Variants in WRN observed in about 807,000 individuals in gnomAD.
WRN encodes bifunctional 3'-5' exonuclease/ATP-dependent helicase WRN.
A neutral mutation model predicts 180.7 loss-of-function variants in WRN; 149 were observed. The ratio of observed to expected loss-of-function variants is 0.82; its 90% CI spans 0.72 to 0.94. The LOEUF (loss-of-function observed/expected upper bound fraction) is 0.94, where lower values mean the gene tolerates loss of function less well. Among genes scored for constraint, WRN ranks in the 40% least tolerant of loss-of-function variants. The pLI is 0.00. For missense variants in WRN, 1,661 were observed against 1,700.1 expected, an observed-to-expected ratio of 0.98 and a Z score of 0.40; for synonymous variants, 548 against 568.9, an observed-to-expected ratio of 0.96 and a Z score of 0.52.
At chr8:31,151,341 G>A (rs1803116822) in intron 31 of WRN, among the ~76,000 whole-genome samples, 1 of 152,106 alleles carries the variant, frequency 6.6e-6, no homozygotes. Context: ...GGAAGCTTTG[G>A]GCAGGCACAG....
intron 22 of WRN, 76 bp from the exon 23 acceptor site, chr8:31,124,832 C>T (rs1470133911): frequency 2.1e-6 from 3 of 1,413,536 alleles, no homozygotes; most frequent in Admixed American, 3.5e-5. Context: ...GGTGATTTTA[C>T]CTCATTATTT....
At chr8:31,163,850 A>G (rs1176202469) in intron 33 of WRN, among the ~76,000 whole-genome samples, 1 of 140,270 alleles carries the variant, frequency 7.1e-6, no homozygotes. Flanking sequence ...GATAACCATG[A>G]GCTCTTTTTT....
chr8:31,090,750 T>C, intron 14 of WRN, 84 bp from the exon 15 acceptor site: 3 of 1,224,916 alleles, frequency 2.4e-6, no homozygotes, highest in South Asian at 2.8e-5. Flanking sequence ...TATAAGTACA[T>C]TGTAAAAAGA....
At chr8:31,091,980 T>C in intron 16 of WRN, 82 bp downstream of exon 16, 1 of 1,271,184 alleles carries the variant, frequency 7.9e-7, no homozygotes, top group Non-Finnish European at 1.1e-6. Context: ...GAATTACATG[T>C]TGCTGAGGAA....
At chr8:31,166,436 TAA>T (rs1295325670) in intron 33 of WRN, among the ~76,000 whole-genome samples, 9 of 152,266 alleles carry the variant, frequency 5.9e-5, no homozygotes, top group South Asian at 4.1e-4. Context: ...GCAAAAAATG[TAA>T]AGTTTCTTGA....
At chr8:31,050,362 G>A (rs1812035989) in intron 1 of WRN, among the ~76,000 whole-genome samples, 1 of 152,062 alleles carries the variant, frequency 6.6e-6, no homozygotes, top group Non-Finnish European at 1.5e-5. Context: ...GTGGATATTA[G>A]AGTCTGAGTT....
chr8:31,069,785 A>C (rs1381346183), intron 7 of WRN, among the ~76,000 whole-genome samples: 2 of 152,190 alleles, frequency 1.3e-5, no homozygotes, highest in African/African-American at 4.8e-5. Flanking sequence ...TGATTAGGGA[A>C]ACAGTATATA....
Position 31,065,043 on chromosome 8 carries a change from A to C in WRN, c.484A>C (p.Thr162Pro). The change falls in exon 5 of 35, where the codon ACA (threonine) becomes CCA (proline). Residue 162 changes from threonine to proline, a missense_variant. Thr to Pro is a conservative substitution (Grantham distance 38). Around this residue, in one of 3 missense-constraint regions of WRN, gnomAD observed 500 missense variants for 504.1 expected, o/e 0.99. Coordinates refer to ENST00000298139, the MANE Select transcript of WRN (RefSeq NM_000553.6). ...DIKLKNFVELTDVANKKLKCT... is the reference protein window; with the variant it reads ...DIKLKNFVELPDVANKKLKCT... The stretch of plus-strand genomic sequence containing the variant: ...CAAATTGAAGAATTTTGTGGAGTTG[A>C]CAGATGTTGCCAATAAAAAGGTAAA... The C allele has an allele frequency of 6.2e-7, 1 of 1,613,482 alleles. No homozygotes were observed. Among genetic ancestry groups the C allele is most frequent in the East Asian group, 2.2e-5 (1 of 44,728 alleles).
Position 31,058,402 on chromosome 8 carries a change from C to G in WRN, c.-46C>G, listed in dbSNP as rs774377745. ...TTTCAGATATTGTTTTGTATTTACC[C>G]ATGAAGACATTGTTTTTTGGACTCT... On this transcript the variant is annotated 5_prime_UTR_variant, in exon 2 of 35. Transcript: ENST00000298139. 2.7e-6 allele frequency: 4 copies of G among 1,508,950 alleles called. No homozygotes were observed. The Admixed American group carries it at 6.8e-5, about 26-fold the overall frequency. 93.5% of individuals were successfully genotyped at this position (1,508,950 alleles called of 1,614,324 possible). A position where few individuals can be genotyped will look rare whatever the true frequency, so the allele number is the denominator to read the frequency against.
chr8:31,087,955 G>A (rs2130158199), intron 12 of WRN, 35 bp downstream of exon 12: 2 of 1,602,742 alleles, frequency 1.2e-6, no homozygotes, highest in Non-Finnish European at 1.7e-6. Flanking sequence ...TGACTCACCT[G>A]TGATACCTAC....
In WRN at chr8:31,175,324, A is replaced by G. The variant is rs1240549121; in HGVS notation, c.*2222A>G. Among the ~76,000 whole-genome samples, 1 of 152,064 alleles carries G rather than the reference A, an allele frequency of 6.6e-6. No individual in the cohort carries two copies. The highest frequency in any genetic ancestry group is 1.5e-5 in the Non-Finnish European group (1 of 68,002). On this transcript the variant is annotated 3_prime_UTR_variant, in exon 35 of 35. Transcript: ENST00000298139. ...TTGGTGCGTGCCTATAATCCCAGCT[A>G]CTCGGGAGGCTGAGGCAGGAGAATC...
intron 8 of WRN, among the ~76,000 whole-genome samples, chr8:31,076,766 T>C (rs987304329): frequency 7.2e-5 from 11 of 152,226 alleles, no homozygotes; most frequent in Non-Finnish European, 1.6e-4. Flanking sequence ...TTAAGAATTC[T>C]ACTTAATTAA....
chr8:31,093,461 T>TATAG (rs1212383140), intron 16 of WRN, among the ~76,000 whole-genome samples: 1 of 152,230 alleles, frequency 6.6e-6, no homozygotes, highest in African/African-American at 2.4e-5. Context: ...TTTCATTGAA[T>TATAG]ATAGCACAGT....
At chr8:31,058,317 T>C (rs1260924943) in intron 1 of WRN, 55 bp from the exon 2 acceptor site, 1 of 757,038 alleles carries the variant, frequency 1.3e-6, no homozygotes, top group African/African-American at 1.7e-5. Context: ...GTGTCATAAC[T>C]TACTTTAAAT....
intron 21 of WRN, among the ~76,000 whole-genome samples, 178 bp downstream of exon 21, chr8:31,120,602 T>C (rs1489002708): frequency 3.3e-5 from 5 of 151,410 alleles, no homozygotes; most frequent in African/African-American, 1.2e-4. Flanking sequence ...AAGAAGAACA[T>C]TTGTGGTAAG....
At chr8:31,087,598 A>G (rs1239967879) in intron 11 of WRN, 178 bp from the exon 12 acceptor site, 1 of 595,488 alleles carries the variant, frequency 1.7e-6, no homozygotes, top group Non-Finnish European at 2.9e-6. Context: ...GCGCCTTAGA[A>G]ACCATTCATG....
intron 24 of WRN, among the ~76,000 whole-genome samples, chr8:31,140,549 C>G (rs1802579166): frequency 6.6e-6 from 1 of 150,636 alleles, no homozygotes; most frequent in Non-Finnish European, 1.5e-5. Context: ...CTTAGGAAAA[C>G]ATACCTCAAA....
intron 1 of WRN, among the ~76,000 whole-genome samples, chr8:31,049,860 G>T (rs1812020374): frequency 6.6e-6 from 1 of 151,976 alleles, no homozygotes; most frequent in Non-Finnish European, 1.5e-5. Context: ...TAGTTTAAAA[G>T]AAGTGACATC....
At chr8:31,137,431 A>G (rs893068313) in intron 24 of WRN, among the ~76,000 whole-genome samples, 4 of 152,160 alleles carry the variant, frequency 2.6e-5, no homozygotes, top group African/African-American at 4.8e-5. Flanking sequence ...AATAGAATCT[A>G]CTACTACCAA....
Sources: gnomAD v4.1 joint callset for allele counts (sites outside exome capture counted in the v4.1 genomes callset) on GRCh38, gnomAD v4.1.1 for gene constraint, gnomAD v4.1.1 regional missense constraint, MANE v1.5 for transcripts, NCBI Gene and HGNC (gene_info 2026-07-23, HGNC 2026-07-21) for gene names.